AKR1C8: variants seen among roughly 807,000 people sequenced by gnomAD.
AKR1C8 encodes the protein aldo-keto reductase family 1 member C-like protein 1.
chr10:5,167,533 G>A, the AKR1C8 span, among the ~76,000 whole-genome samples: 2 of 152,054 alleles, frequency 1.3e-5, no homozygotes, highest in Non-Finnish European at 2.9e-5. Context: ...CTATCGCAAG[G>A]ACAAAAAACC....
chr10:5,143,039 C>G, the AKR1C8 span, among the ~76,000 whole-genome samples: 1 of 151,912 alleles, frequency 6.6e-6, no homozygotes, highest in South Asian at 2.1e-4. Flanking sequence ...TTTTAGGTGC[C>G]AACTGGATTG....
At chr10:5,172,077 G>A in the AKR1C8 span, among the ~76,000 whole-genome samples, 1 of 152,014 alleles carries the variant, frequency 6.6e-6, no homozygotes, top group African/African-American at 2.4e-5. Context: ...GCGCAGATAA[G>A]GTTTGACTTA....
At chr10:5,152,130 G>C in the AKR1C8 span, among the ~76,000 whole-genome samples, 1 of 152,148 alleles carries the variant, frequency 6.6e-6, no homozygotes, top group Non-Finnish European at 1.5e-5. Context: ...GCAATTTCCA[G>C]TTTTAAATGT....
the AKR1C8 span, among the ~76,000 whole-genome samples, chr10:5,168,607 A>C: frequency 2.9e-3 from 438 of 152,288 alleles, 9 homozygotes; most frequent in East Asian, 0.051. Context: ...ACATAGAGAG[A>C]TGTTATGTTA....
the AKR1C8 span, among the ~76,000 whole-genome samples, chr10:5,177,549 G>A: frequency 6.6e-6 from 1 of 152,186 alleles, no homozygotes; most frequent in Non-Finnish European, 1.5e-5. Context: ...GTTTCAGAAG[G>A]AATGGTACCA....
At chr10:5,139,467 A>C in the AKR1C8 span, among the ~76,000 whole-genome samples, 50,174 of 151,992 alleles carry the variant, frequency 0.33, 8,871 homozygotes, top group Non-Finnish European at 0.36. Context: ...AGACCAATGG[A>C]ACAGAACAGA....
At chr10:5,122,713 A>G in the AKR1C8 span, among the ~76,000 whole-genome samples, 23 of 152,284 alleles carry the variant, frequency 1.5e-4, no homozygotes, top group Admixed American at 3.9e-4. Flanking sequence ...ACAAGCAAAC[A>G]CAGCTGCAAA....
chr10:5,144,812 G>A, the AKR1C8 span, among the ~76,000 whole-genome samples: 69 of 152,262 alleles, frequency 4.5e-4, 2 homozygotes, highest in East Asian at 0.012. Context: ...CATGTCGTCT[G>A]CAAACAGGGA....
At chr10:5,145,478 A>C in the AKR1C8 span, among the ~76,000 whole-genome samples, 4,792 of 152,158 alleles carry the variant, frequency 0.031, 255 homozygotes, top group African/African-American at 0.11. Flanking sequence ...AGAATCTACA[A>C]TGAACTCAAA....
chr10:5,160,377 T>C, the AKR1C8 span, among the ~76,000 whole-genome samples: 1 of 148,820 alleles, frequency 6.7e-6, no homozygotes, highest in Non-Finnish European at 1.5e-5. Flanking sequence ...TGTTCTAGAA[T>C]GGGAAAAAAA....
the AKR1C8 span, among the ~76,000 whole-genome samples, chr10:5,145,300 T>A: frequency 4.6e-5 from 7 of 152,124 alleles, no homozygotes; most frequent in African/African-American, 1.4e-4. Flanking sequence ...GGACTTCATG[T>A]CTAAAACACC....
chr10:5,121,683 G>T, the AKR1C8 span, among the ~76,000 whole-genome samples: 11 of 151,920 alleles, frequency 7.2e-5, no homozygotes, highest in Non-Finnish European at 8.8e-5. Flanking sequence ...TATGTCTTAC[G>T]TTGCCTCGGT....
chr10:5,121,171 C>A, the AKR1C8 span, among the ~76,000 whole-genome samples: 2 of 152,124 alleles, frequency 1.3e-5, no homozygotes, highest in African/African-American at 2.4e-5. Context: ...CCCCTCCAAA[C>A]TTCTTTGTGT....
At chr10:5,175,622 T>C in the AKR1C8 span, among the ~76,000 whole-genome samples, 1 of 152,186 alleles carries the variant, frequency 6.6e-6, no homozygotes, top group African/African-American at 2.4e-5. Context: ...TTTCTCCACA[T>C]CCTCTCCAGC....
At chr10:5,171,791 T>C in the AKR1C8 span, among the ~76,000 whole-genome samples, 8 of 152,080 alleles carry the variant, frequency 5.3e-5, no homozygotes, top group Non-Finnish European at 1.0e-4. Flanking sequence ...CAGAATTTCC[T>C]TTACAATTAA....
At chr10:5,159,382 C>A in the AKR1C8 span, among the ~76,000 whole-genome samples, 1 of 152,154 alleles carries the variant, frequency 6.6e-6, no homozygotes, top group Non-Finnish European at 1.5e-5. Context: ...GACTTGATTT[C>A]TTTCATAAAA....
the AKR1C8 span, among the ~76,000 whole-genome samples, chr10:5,134,545 T>C: frequency 6.6e-6 from 1 of 152,314 alleles, no homozygotes; most frequent in South Asian, 2.1e-4. Context: ...AAATTTCTCC[T>C]TCGAGGTTCT....
the AKR1C8 span, among the ~76,000 whole-genome samples, chr10:5,144,732 C>T: frequency 6.6e-6 from 1 of 152,120 alleles, no homozygotes; most frequent in African/African-American, 2.4e-5. Context: ...TATCCTGAGA[C>T]TTTGCTGAAG....
the AKR1C8 span, chr10:5,161,612 G>A: frequency 1.6e-5 from 8 of 501,030 alleles, 1 homozygote; most frequent in Admixed American, 6.2e-5. Context: ...CTAGGGTAGA[G>A]GAAGTGAGAT....
Sources: allele counts gnomAD v4.1 joint callset (sites outside exome capture counted in the v4.1 genomes callset), GRCh38; gene constraint gnomAD v4.1.1; transcripts MANE v1.5; gene names NCBI Gene and HGNC (gene_info 2026-07-23, HGNC 2026-07-21).